ST7: variants seen among roughly 807,000 people sequenced by gnomAD.
The protein encoded by ST7 is suppressor of tumorigenicity 7 protein.
Under a neutral mutation model 78.7 loss-of-function variants are expected in ST7, and 28 were observed. That is an observed-to-expected ratio of 0.36 (90% CI 0.26 to 0.49). ST7 has a LOEUF of 0.49. ST7 is among the 20% of genes least tolerant of loss of function. ST7 has a pLI of 0.99. For synonymous variants in ST7, 247 were observed against 249.6 expected, an observed-to-expected ratio of 0.99 and a Z score of 0.10; for missense variants, 418 against 696.0, an observed-to-expected ratio of 0.60 and a Z score of 4.49.
At chr7:117,012,286 T>G (rs1251158619) in intron 1 of ST7, among the ~76,000 whole-genome samples, 1 of 150,704 alleles carries the variant, frequency 6.6e-6, no homozygotes, top group African/African-American at 2.4e-5. Flanking sequence ...TTTTGAAATT[T>G]TTTTTTTTTT....
chr7:116,969,178 G>A (rs1562984018), intron 1 of ST7, among the ~76,000 whole-genome samples: 1 of 151,828 alleles, frequency 6.6e-6, no homozygotes, highest in African/African-American at 2.4e-5. Flanking sequence ...ATTTTGAGGA[G>A]TATCATATCT....
chr7:117,210,883 C>T (rs189378211), intron 13 of ST7, among the ~76,000 whole-genome samples: 1 of 152,130 alleles, frequency 6.6e-6, no homozygotes, highest in African/African-American at 2.4e-5. Flanking sequence ...CTTTTTCCAC[C>T]CATGGGAAAC....
intron 1 of ST7, among the ~76,000 whole-genome samples, chr7:117,060,602 T>A (rs866036699): frequency 2.0e-5 from 3 of 152,262 alleles, no homozygotes; most frequent in Non-Finnish European, 4.4e-5. Flanking sequence ...AAAGTAATTC[T>A]ATTAAAATGA....
rs1258561683 is a variant in ST7, at chr7:117,130,548, C to T, written c.507C>T (p.Ala169=). The change falls in exon 5 of 16, where the codon GCC becomes GCT. Residue 169 remains alanine, a synonymous_variant. Transcript: ENST00000323984. Reference sequence around the variant, plus strand: ...CTTACTATGACATGAATCTCTCTGCCCAAGACCACCAGACATTCTTTACTT... The same window carrying T: ...CTTACTATGACATGAATCTCTCTGCTCAAGACCACCAGACATTCTTTACTT... ...PLTYYDMNLS[A]QDHQTFFTCD... is the part of the protein sequence containing the mutation. 6.2e-7 allele frequency: 1 copy of T among 1,611,430 alleles called. No individual in the cohort carries two copies. The highest frequency in any genetic ancestry group is 2.2e-5 in the East Asian group (1 of 44,738).
rs573584169 is a variant in ST7, at chr7:117,035,479, C to A, written c.152-64283C>A. Among the ~76,000 whole-genome samples, 75 of 152,278 alleles carry A rather than the reference C, an allele frequency of 4.9e-4. No individual in the cohort carries two copies. The South Asian group carries it at 0.015, about 31-fold the overall frequency. ...CTTTCAAAAGCAAATAATTCATCTG[C>A]AAATTCAAATTCTATTTGGTACATC... On this transcript the variant is annotated intron_variant, in intron 1 of 15. Transcript: ENST00000323984.
At chr7:117,047,091 T>C (rs1366508621) in intron 1 of ST7, among the ~76,000 whole-genome samples, 2 of 152,190 alleles carry the variant, frequency 1.3e-5, no homozygotes, top group African/African-American at 4.8e-5. Flanking sequence ...GTCTTGGATC[T>C]AAATTGCATT....
intron 12 of ST7, among the ~76,000 whole-genome samples, chr7:117,196,624 CTTTTTTTTTTTT>C (rs56133709): frequency 8.4e-5 from 5 of 59,504 alleles, no homozygotes; most frequent in South Asian, 1.0e-3. Context: ...GATTGTTGGG[CTTTTTTTTTTTT>C]TTTTTTTTTT....
chr7:117,112,246 G>A (rs1462206563), intron 2 of ST7: 1 of 152,106 alleles, frequency 6.6e-6, no homozygotes, highest in Non-Finnish European at 1.5e-5. Context: ...TAAAAGAAGT[G>A]TGTTTTTGGG....
chr7:117,077,538 C>G (rs1223389775), intron 1 of ST7, among the ~76,000 whole-genome samples: 1 of 152,130 alleles, frequency 6.6e-6, no homozygotes, highest in Non-Finnish European at 1.5e-5. Context: ...AAAGGACTGT[C>G]CTCAAACCAG....
chr7:117,016,661 G>C (rs1795630623), intron 1 of ST7, among the ~76,000 whole-genome samples: 1 of 152,104 alleles, frequency 6.6e-6, no homozygotes, highest in African/African-American at 2.4e-5. Context: ...ATTTAGTTGT[G>C]TGTGCTGTAG....
chr7:117,160,596 A>T (rs1216490843), intron 9 of ST7, among the ~76,000 whole-genome samples: 1 of 151,716 alleles, frequency 6.6e-6, no homozygotes, highest in African/African-American at 2.4e-5. Context: ...CCTCACAAAT[A>T]TGAGTTTGTG....
chr7:116,966,144 A>C, intron 1 of ST7: 1 of 462,232 alleles, frequency 2.2e-6, no homozygotes, highest in South Asian at 1.6e-5. Context: ...AAAGATATAA[A>C]AATATGTAGA....
chr7:117,099,512 T>TG (rs1307774103), intron 1 of ST7, among the ~76,000 whole-genome samples: 1 of 152,218 alleles, frequency 6.6e-6, no homozygotes, highest in Non-Finnish European at 1.5e-5. Context: ...ACAATTGTTT[T>TG]GGGAGTTAGA....
At chr7:117,189,415 C>A (rs374963524) in intron 11 of ST7, 22 bp downstream of exon 11, 6 of 1,573,348 alleles carry the variant, frequency 3.8e-6, no homozygotes, top group Non-Finnish European at 3.5e-6. Flanking sequence ...ATAGTTTGCG[C>A]GGTACTAATG....
rs539717079 is a variant in ST7, at chr7:117,224,484, G to A, written c.1638+2422G>A. The stretch of plus-strand genomic sequence containing the variant: ...TAGTTGCCAAAACTCTGAGTAGAGT[G>A]TGACTTAGTAAAATTTAAAATAAGA... On this transcript the variant is annotated intron_variant, in intron 15 of 15. Coordinates refer to ENST00000323984, the MANE Select transcript of ST7 (RefSeq NM_001369598.1). Among the ~76,000 whole-genome samples the A allele has an allele frequency of 5.8e-4, 88 of 152,306 alleles. 1 individual carries two copies. The highest frequency in any genetic ancestry group is 5.8e-3 in the Admixed American group (88 of 15,298).
intron 15 of ST7, chr7:117,223,798 T>A (rs757799181): frequency 5.0e-6 from 1 of 200,616 alleles, no homozygotes; most frequent in Non-Finnish European, 8.9e-6. Context: ...CCATTTAGAA[T>A]GTGAGCTCCT....
At chr7:116,993,435 A>G (rs1794514126) in intron 1 of ST7, among the ~76,000 whole-genome samples, 2 of 152,176 alleles carry the variant, frequency 1.3e-5, no homozygotes, top group Non-Finnish European at 1.5e-5. Context: ...GTTCACTACC[A>G]TGGGAACAGT....
At chr7:116,992,158 A>C (rs190753780) in intron 1 of ST7, among the ~76,000 whole-genome samples, 1 of 152,230 alleles carries the variant, frequency 6.6e-6, no homozygotes, top group East Asian at 1.9e-4. Context: ...TGGAGCTACT[A>C]TTCTGGGGTC....
intron 10 of ST7, among the ~76,000 whole-genome samples, chr7:117,177,584 G>A (rs181113279): frequency 1.4e-4 from 21 of 152,276 alleles, no homozygotes; most frequent in South Asian, 1.2e-3. Flanking sequence ...GCTTTGTAGC[G>A]TAAGACGAAT....
Sources: gnomAD v4.1 joint callset for allele counts (sites outside exome capture counted in the v4.1 genomes callset) on GRCh38, gnomAD v4.1.1 for gene constraint, MANE v1.5 for transcripts, NCBI Gene and HGNC (gene_info 2026-07-23, HGNC 2026-07-21) for gene names.